SPAG16: variants seen among roughly 807,000 people sequenced by gnomAD.
SPAG16 encodes the protein sperm associated antigen 16, also known as sperm-associated antigen 16 protein.
In SPAG16, 86 loss-of-function variants were observed where a neutral mutation model predicts 80.4. The ratio of observed to expected loss-of-function variants is 1.07; its 90% CI spans 0.90 to 1.28. SPAG16 has a LOEUF of 1.28. Ranked by LOEUF, SPAG16 falls within the 50% of genes most tolerant of loss-of-function variation. The pLI is 0.00. For missense variants in SPAG16, 870 were observed against 765.3 expected (o/e 1.14, Z -1.61); for synonymous variants, 294 against 265.9 (o/e 1.11, Z -1.03).
chr2:213,575,382 C>A (rs370811847), intron 10 of SPAG16, among the ~76,000 whole-genome samples: 12 of 152,098 alleles, frequency 7.9e-5, no homozygotes, highest in East Asian at 3.9e-4. Flanking sequence ...ACCTTAAAAG[C>A]AATAATAAAA....
chr2:213,295,406 A>G (rs932408497), intron 1 of SPAG16, among the ~76,000 whole-genome samples: 2 of 152,210 alleles, frequency 1.3e-5, no homozygotes, highest in Middle Eastern at 3.4e-3. Context: ...ATTGATATTT[A>G]ATTTCTTCAG....
At chr2:214,139,532 C>A (rs1044925338) in intron 14 of SPAG16, among the ~76,000 whole-genome samples, 2 of 151,926 alleles carry the variant, frequency 1.3e-5, no homozygotes, top group Admixed American at 1.3e-4. Context: ...TAGAAAAGAG[C>A]GTCTTCAATT....
chr2:213,965,609 A>G (rs1032457955), intron 12 of SPAG16, among the ~76,000 whole-genome samples: 3 of 152,094 alleles, frequency 2.0e-5, no homozygotes, highest in African/African-American at 7.2e-5. Flanking sequence ...TCTCTCTGTT[A>G]AGCGTTTCAA....
intron 10 of SPAG16, among the ~76,000 whole-genome samples, chr2:213,683,410 G>A (rs888552902): frequency 6.6e-6 from 1 of 152,226 alleles, no homozygotes; most frequent in East Asian, 1.9e-4. Context: ...AATTAGCTGA[G>A]CATGGTGGCA....
intron 10 of SPAG16, among the ~76,000 whole-genome samples, chr2:213,714,525 C>A (rs2066146870): frequency 6.6e-6 from 1 of 152,046 alleles, no homozygotes; most frequent in South Asian, 2.1e-4. Flanking sequence ...TCAAATTATT[C>A]ATATGGTTTA....
chr2:214,127,401 A>G (rs2054545419), intron 14 of SPAG16, among the ~76,000 whole-genome samples: 2 of 151,886 alleles, frequency 1.3e-5, no homozygotes, highest in South Asian at 4.1e-4. Flanking sequence ...TGTTCCTTTC[A>G]AACCCCAAAA....
chr2:213,475,125 G>C (rs2073303081), intron 9 of SPAG16, among the ~76,000 whole-genome samples: 1 of 152,098 alleles, frequency 6.6e-6, no homozygotes, highest in Non-Finnish European at 1.5e-5. Context: ...CGGTAGTCAG[G>C]ATTCGATTCC....
At chr2:213,639,127 GA>G (rs2062488492) in intron 10 of SPAG16, among the ~76,000 whole-genome samples, 1 of 152,046 alleles carries the variant, frequency 6.6e-6, no homozygotes, top group African/African-American at 2.4e-5. Flanking sequence ...AAGTTTATAT[GA>G]GTCCTTATGT....
At chr2:213,779,358 GTAACCT>G (rs2069800562) in intron 10 of SPAG16, among the ~76,000 whole-genome samples, 1 of 152,118 alleles carries the variant, frequency 6.6e-6, no homozygotes, top group African/African-American at 2.4e-5. Context: ...GCAAATTAGA[GTAACCT>G]TAACCTAAAA....
chr2:213,287,960 C>T (rs1337167127), intron 1 of SPAG16, among the ~76,000 whole-genome samples: 1 of 152,192 alleles, frequency 6.6e-6, no homozygotes, highest in Non-Finnish European at 1.5e-5. Context: ...GGCTTGAGTA[C>T]AGTGGCATGA....
chr2:213,917,457 T>C (rs986862932), intron 11 of SPAG16, among the ~76,000 whole-genome samples: 1 of 152,182 alleles, frequency 6.6e-6, no homozygotes, highest in Non-Finnish European at 1.5e-5. Context: ...CTTTGAGCAG[T>C]GTTTTGTAGT....
At chr2:214,170,737 A>T (rs1383036540) in intron 15 of SPAG16, among the ~76,000 whole-genome samples, 3 of 152,050 alleles carry the variant, frequency 2.0e-5, no homozygotes, top group African/African-American at 7.2e-5. Flanking sequence ...TATGTCCTGT[A>T]GCTTGAAACA....
intron 10 of SPAG16, among the ~76,000 whole-genome samples, chr2:213,628,546 A>G (rs1342395032): frequency 6.6e-6 from 1 of 152,220 alleles, no homozygotes; most frequent in African/African-American, 2.4e-5. Context: ...TAAGTGACTA[A>G]TGTCTGATCA....
intron 10 of SPAG16, among the ~76,000 whole-genome samples, chr2:213,782,810 G>A (rs372496533): frequency 3.3e-5 from 5 of 152,160 alleles, no homozygotes; most frequent in Non-Finnish European, 7.4e-5. Context: ...GCAGATAGAT[G>A]TTCTAAAAGT....
At chr2:213,426,048 G>T (rs1250393006) in intron 9 of SPAG16, among the ~76,000 whole-genome samples, 2 of 152,100 alleles carry the variant, frequency 1.3e-5, no homozygotes, top group Non-Finnish European at 2.9e-5. Context: ...ATTTTAACTA[G>T]TATTTCTTCA....
chr2:214,200,438 A>G (rs35063151), intron 15 of SPAG16, among the ~76,000 whole-genome samples: 45,633 of 152,154 alleles, frequency 0.3, 8,538 homozygotes, highest in Non-Finnish European at 0.42. Flanking sequence ...TATGAGACCC[A>G]CTTGATCATA....
rs559941710 is a variant in SPAG16 at position 214,301,125 on chromosome 2, G to A, written c.1721-109015G>A. ...AAAAGAAAATATATCATGATCACACGGGTTTTAGTGCAGGGATCCAAAAAT... is the reference window on the plus strand; with the variant it reads ...AAAAGAAAATATATCATGATCACACAGGTTTTAGTGCAGGGATCCAAAAAT... On this transcript the variant is annotated intron_variant, in intron 15 of 15. Transcript: ENST00000331683. Among the ~76,000 whole-genome samples, 3 of 150,046 alleles carry A rather than the reference G, an allele frequency of 2.0e-5. No homozygotes were observed. In the South Asian group the frequency reaches 6.3e-4, roughly 32 times the overall value.
chr2:213,475,235 C>T (rs927043360), intron 9 of SPAG16, among the ~76,000 whole-genome samples: 3 of 152,132 alleles, frequency 2.0e-5, no homozygotes, highest in Non-Finnish European at 4.4e-5. Context: ...CTGCCAAGAT[C>T]CCCCTAAATT....
intron 3 of SPAG16, among the ~76,000 whole-genome samples, chr2:213,304,565 A>T (rs998285772): frequency 1.3e-5 from 2 of 152,100 alleles, no homozygotes; most frequent in Non-Finnish European, 2.9e-5. Context: ...ATGACAAGGG[A>T]TAGGGGTCTA....
Sources: gnomAD v4.1 joint callset for allele counts (sites outside exome capture counted in the v4.1 genomes callset) on GRCh38, gnomAD v4.1.1 for gene constraint, MANE v1.5 for transcripts, NCBI Gene and HGNC (gene_info 2026-07-23, HGNC 2026-07-21) for gene names.